PCDHGB2: variants seen among roughly 807,000 people sequenced by gnomAD.
PCDHGB2 encodes the protein protocadherin gamma subfamily B, 2, also known as protocadherin gamma-B2.
PCDHGB2 carries 55 observed loss-of-function variants against 59.3 expected under a neutral mutation model. That is an observed-to-expected ratio of 0.93 (90% CI 0.75 to 1.16). The LOEUF (loss-of-function observed/expected upper bound fraction) is 1.16, where lower values mean the gene tolerates loss of function less well. Ranked by LOEUF, PCDHGB2 falls within the 50% of genes most tolerant of loss-of-function variation. The pLI is 0.00. For synonymous variants in PCDHGB2, 516 were observed against 512.0 expected (o/e 1.01, Z -0.11); for missense variants, 1,228 against 1,198.5 (o/e 1.02, Z -0.36).
chr5:141,384,995 C>T (rs1485778293), intron 1 of PCDHGB2: 2 of 1,614,034 alleles, frequency 1.2e-6, no homozygotes, highest in African/African-American at 1.3e-5. Context: ...GCGGTGGCCA[C>T]AGTCTCCTGC....
Position 141,491,944 on chromosome 5 carries a change from C to A in PCDHGB2, c.2422-2863C>A. On this transcript the variant is annotated intron_variant, in intron 1 of 3. Transcript: ENST00000522605. This position sits in a 1 kb window ranked among gnomAD's most constrained non-coding sequence, Gnocchi z 6.9. ...CGAGGGGAGGTGGGACCGACCCCCA[C>A]CCCTACACTCAAAAAAGGCCGGGGC... 2 of 1,120,270 alleles carry A rather than the reference C, an allele frequency of 1.8e-6. No individual in the cohort carries two copies. Among genetic ancestry groups the A allele is most frequent in the Non-Finnish European group, 2.4e-6 (2 of 822,060 alleles). The allele number at this position is 1,120,270 out of a possible 1,614,324, so 69.4% of individuals were successfully genotyped here.
At chr5:141,372,324 G>T (rs559633972) in intron 1 of PCDHGB2, 3 of 1,613,586 alleles carry the variant, frequency 1.9e-6, no homozygotes, top group African/African-American at 1.3e-5. Flanking sequence ...GCGCCTGCTG[G>T]TCACTGTGCG....
intron 1 of PCDHGB2, among the ~76,000 whole-genome samples, chr5:141,467,707 G>A (rs1203906639): frequency 6.6e-6 from 1 of 152,140 alleles, no homozygotes; most frequent in Non-Finnish European, 1.5e-5. Flanking sequence ...TGTTGCCCAG[G>A]CTGGAGTGTA....
chr5:141,384,797 T>C (rs766396351), intron 1 of PCDHGB2: 13 of 1,613,368 alleles, frequency 8.1e-6, no homozygotes, highest in Non-Finnish European at 1.1e-5. Context: ...CGGGCCCTGC[T>C]GGACAGAGAT....
rs760617436 is a variant in PCDHGB2 at position 141,410,113 on chromosome 5, A to T, written c.2421+47557A>T. On this transcript the variant is annotated intron_variant, in intron 1 of 3. Transcript: ENST00000522605. The stretch of plus-strand genomic sequence containing the variant: ...CTCGAGCCTTAGGCGACAGGGACGC[A>T]GCCCGCCAGCGCCTGCTGGTCGCTG... 5 of 1,612,436 alleles carry T rather than the reference A, an allele frequency of 3.1e-6. No individual in the cohort carries two copies. The African/African-American group carries it at 6.7e-5, about 22-fold the overall frequency.
intron 1 of PCDHGB2, among the ~76,000 whole-genome samples, chr5:141,445,793 CAG>C (rs1466260011): frequency 6.6e-6 from 1 of 152,132 alleles, no homozygotes; most frequent in Admixed American, 6.5e-5. Context: ...AGGCTAGAAA[CAG>C]AAAATAAATA....
chr5:141,477,220 G>A lies in PCDHGB2; in HGVS notation c.2422-17587G>A. 24 of 1,614,190 alleles carry A rather than the reference G, an allele frequency of 1.5e-5. No individual in the cohort carries two copies. The highest frequency in any genetic ancestry group is 1.9e-5 in the Non-Finnish European group (23 of 1,180,040). ...CAGTACCCGAGGATGCCCCTCTGGG[G>A]ACTGTCATCGCTTTGCTCAGTGTGA... is the stretch of plus-strand genomic sequence containing the variant. On this transcript the variant is annotated intron_variant, in intron 1 of 3. Coordinates refer to ENST00000522605, the MANE Select transcript of PCDHGB2 (RefSeq NM_018923.3). The surrounding 1 kb of genome is among the most constrained non-coding windows in gnomAD (Gnocchi z 4.9).
chr5:141,428,388 C>A, intron 1 of PCDHGB2: 1 of 506,160 alleles, frequency 2.0e-6, no homozygotes, highest in African/African-American at 1.9e-5. Flanking sequence ...GCTCTTCCAG[C>A]CCCTCTGCCT....
intron 1 of PCDHGB2, among the ~76,000 whole-genome samples, chr5:141,436,713 G>C (rs2097842329): frequency 6.6e-6 from 1 of 152,308 alleles, no homozygotes; most frequent in East Asian, 1.9e-4. Flanking sequence ...TCGATGTTCT[G>C]TTGGGAAAAA....
rs1017446737 is a variant in PCDHGB2, at chr5:141,361,884, G to A, written c.1749G>A (p.Glu583=). 6.2e-7 allele frequency: 1 copy of A among 1,610,512 alleles called. No individual in the cohort carries two copies. Among genetic ancestry groups the A allele is most frequent in the Non-Finnish European group, 8.5e-7 (1 of 1,179,474 alleles). The change falls in exon 1 of 4, where the codon GAG becomes GAA. Residue 583 remains glutamate, a synonymous_variant. Transcript: ENST00000522605. ...ALFDMVPRAA[E]PGYLVTKVVA... is the part of the protein sequence containing the mutation. The stretch of plus-strand genomic sequence containing the variant: ...TCGATATGGTGCCACGCGCCGCAGA[G>A]CCCGGCTACCTGGTGACCAAGGTGG...
Position 141,431,601 on chromosome 5 carries a change from T to G in PCDHGB2, c.2422-63206T>G. 1 of 1,614,202 alleles carries G rather than the reference T, an allele frequency of 6.2e-7. No homozygotes were observed. Among genetic ancestry groups the G allele is most frequent in the Non-Finnish European group, 8.5e-7 (1 of 1,180,032 alleles). On this transcript the variant is annotated intron_variant, in intron 1 of 3. Transcript: ENST00000522605. The surrounding 1 kb of genome is among the most constrained non-coding windows in gnomAD (Gnocchi z 4.8). Reference sequence around the variant, plus strand: ...GTCAATGCGGAAGTGAGGTATTCCTTCCGGTATGTGGACGACAAGGCGGCC... The same window carrying G: ...GTCAATGCGGAAGTGAGGTATTCCTGCCGGTATGTGGACGACAAGGCGGCC...
chr5:141,382,965 C>T, intron 1 of PCDHGB2: 1 of 1,608,730 alleles, frequency 6.2e-7, no homozygotes, highest in East Asian at 2.2e-5. Flanking sequence ...TCCTGGGGAC[C>T]CCCTGGGAAG....
chr5:141,397,846 A>G (rs1032127108), intron 1 of PCDHGB2: 3 of 528,344 alleles, frequency 5.7e-6, no homozygotes, highest in Non-Finnish European at 9.9e-6. Flanking sequence ...GAAGCCGCAG[A>G]GGCTGTAGTT....
At position 141,476,151 on chromosome 5, in the gene PCDHGB2, G is replaced by A; in HGVS notation, c.2422-18656G>A. Reference sequence around the variant, plus strand: ...GAGGCCTGGAGGAGCGGACTGGTAAGCACCGGGAGGGTAGTGGGAGTTTTG... The same window carrying A: ...GAGGCCTGGAGGAGCGGACTGGTAAACACCGGGAGGGTAGTGGGAGTTTTG... On this transcript the variant is annotated intron_variant, in intron 1 of 3. Transcript: ENST00000522605. This position sits in a 1 kb window ranked among gnomAD's most constrained non-coding sequence, Gnocchi z 7.6. 1 of 1,612,022 alleles carries A rather than the reference G, an allele frequency of 6.2e-7. No individual in the cohort carries two copies. Among genetic ancestry groups the A allele is most frequent in the Admixed American group, 1.7e-5 (1 of 60,014 alleles).
At chr5:141,409,212 T>C (rs751644523) in intron 1 of PCDHGB2, 1 of 1,613,924 alleles carries the variant, frequency 6.2e-7, no homozygotes, top group Non-Finnish European at 8.5e-7. Context: ...ATCATAGAAA[T>C]CCTTGATGAA....
chr5:141,421,051 A>G (rs1330155141), intron 1 of PCDHGB2: 8 of 559,830 alleles, frequency 1.4e-5, no homozygotes, highest in South Asian at 2.6e-5. Flanking sequence ...CCCCGCCTCT[A>G]CCACACAAAG....
Position 141,360,723 on chromosome 5 carries a change from A to C in PCDHGB2, c.588A>C (p.Leu196=). 4 of 1,614,006 alleles carry C rather than the reference A, an allele frequency of 2.5e-6. No homozygotes were observed. Among genetic ancestry groups the C allele is most frequent in the Non-Finnish European group, 3.4e-6 (4 of 1,179,886 alleles). The change falls in exon 1 of 4, where the codon CTA becomes CTC. Residue 196 remains leucine, a synonymous_variant. Transcript: ENST00000522605. ...PDGRKYPELI[L]KHSLDREEHS... ...GTCGTAAATATCCTGAGTTGATTCT[A>C]AAACACTCTCTGGACAGAGAAGAGC...
chr5:141,395,025 T>C, intron 1 of PCDHGB2: 1 of 1,614,116 alleles, frequency 6.2e-7, no homozygotes, highest in Non-Finnish European at 8.5e-7. Flanking sequence ...CGTGCCTGCC[T>C]CACATTTTGT....
intron 1 of PCDHGB2, chr5:141,373,837 A>C (rs1457844906): frequency 9.4e-6 from 4 of 427,674 alleles, no homozygotes; most frequent in East Asian, 3.5e-5. Flanking sequence ...GTATTAAGTT[A>C]GGACTCTAAG....
Sources: allele counts gnomAD v4.1 joint callset (sites outside exome capture counted in the v4.1 genomes callset), GRCh38; gene constraint gnomAD v4.1.1; non-coding constraint Gnocchi (gnomAD v3.1); transcripts MANE v1.5; gene names NCBI Gene and HGNC (gene_info 2026-07-23, HGNC 2026-07-21).